The following BTAF1 variants were observed in gnomAD, a reference collection of about 807,000 sequenced individuals.
The protein encoded by BTAF1 is B-TFIID TATA-box binding protein associated factor 1.
A neutral mutation model predicts 227.1 loss-of-function variants in BTAF1; 38 were observed. The observed-to-expected ratio is 0.17, with a 90% CI of 0.13 to 0.22. The LOEUF is 0.22. Ranked by LOEUF, BTAF1 falls within the 10% of genes least tolerant of loss-of-function variation. The pLI, the probability that BTAF1 is intolerant of heterozygous loss-of-function variation, is 1.00. For missense variants in BTAF1, 1,598 were observed against 2,204.0 expected (o/e 0.73, Z 5.51); for synonymous variants, 742 against 751.9 (o/e 0.99, Z 0.21).
At chr10:92,019,060 G>A in intron 34 of BTAF1, 125 bp downstream of exon 34, 1 of 996,650 alleles carries the variant, frequency 1.0e-6, no homozygotes, top group Non-Finnish European at 1.4e-6. Context: ...TTAAATTTTT[G>A]ATACAGCTTT....
At chr10:91,943,089 G>C (rs545191937) in intron 4 of BTAF1, among the ~76,000 whole-genome samples, 3 of 152,176 alleles carry the variant, frequency 2.0e-5, no homozygotes, top group African/African-American at 4.8e-5. Flanking sequence ...CAAGGTGGGT[G>C]GATCACCTGA....
intron 1 of BTAF1, among the ~76,000 whole-genome samples, chr10:91,930,092 A>T (rs1844172057): frequency 6.6e-6 from 1 of 152,192 alleles, no homozygotes; most frequent in African/African-American, 2.4e-5. Context: ...CACACATAAA[A>T]ATAGACTGTT....
intron 4 of BTAF1, among the ~76,000 whole-genome samples, chr10:91,944,864 G>A (rs1845253004): frequency 6.6e-6 from 1 of 152,130 alleles, no homozygotes; most frequent in African/African-American, 2.4e-5. Context: ...TACAGTTGTG[G>A]TCCCATAAAA....
intron 6 of BTAF1, 90 bp from the exon 7 acceptor site, chr10:91,956,437 AT>A: frequency 7.4e-7 from 1 of 1,358,590 alleles, no homozygotes. Context: ...TCTTAAATTC[AT>A]TGTGATTCAC....
At chr10:91,994,792 A>T in intron 23 of BTAF1, 148 bp downstream of exon 23, 1 of 622,102 alleles carries the variant, frequency 1.6e-6, no homozygotes, top group South Asian at 2.1e-5. Flanking sequence ...CTCCTTTACT[A>T]ACAGTGCAAC....
intron 14 of BTAF1, among the ~76,000 whole-genome samples, chr10:91,971,669 G>A (rs903576705): frequency 5.9e-5 from 9 of 151,632 alleles, no homozygotes; most frequent in African/African-American, 1.7e-4. Context: ...ACAGGGTTTC[G>A]CCATGTTGGT....
intron 20 of BTAF1, among the ~76,000 whole-genome samples, chr10:91,989,964 T>A (rs1005119726): frequency 2.0e-5 from 3 of 152,240 alleles, no homozygotes; most frequent in African/African-American, 4.8e-5. Flanking sequence ...AGCAACCCTA[T>A]TGACTGAAAA....
At chr10:91,937,191 C>T (rs568721087) in intron 2 of BTAF1, among the ~76,000 whole-genome samples, 66 of 152,038 alleles carry the variant, frequency 4.3e-4, no homozygotes, top group Non-Finnish European at 7.6e-4. Flanking sequence ...GAGGGGGTTT[C>T]ACCATGTTGG....
chr10:91,965,723 T>C (rs1846860074), intron 13 of BTAF1, among the ~76,000 whole-genome samples: 1 of 152,240 alleles, frequency 6.6e-6, no homozygotes, highest in African/African-American at 2.4e-5. Context: ...TTTGTTATAA[T>C]GCTTTTATGT....
chr10:92,021,786 C>T (rs765413113), intron 34 of BTAF1, among the ~76,000 whole-genome samples: 2 of 151,914 alleles, frequency 1.3e-5, no homozygotes, highest in Admixed American at 6.6e-5. Context: ...CCTCATGATC[C>T]GCCTGCCTGG....
chr10:91,964,443 T>TTAAA (rs961105906), intron 13 of BTAF1, among the ~76,000 whole-genome samples: 1 of 152,182 alleles, frequency 6.6e-6, no homozygotes, highest in Non-Finnish European at 1.5e-5. Context: ...ATCGTCTTGT[T>TTAAA]CGTCTTATAA....
At chr10:91,926,342 C>G (rs1428288805) in intron 1 of BTAF1, among the ~76,000 whole-genome samples, 1 of 152,084 alleles carries the variant, frequency 6.6e-6, no homozygotes, top group African/African-American at 2.4e-5. Flanking sequence ...ACATTTCCAC[C>G]AGAATTTCCA....
intron 5 of BTAF1, 82 bp from the exon 6 acceptor site, chr10:91,953,655 C>T: frequency 6.8e-7 from 1 of 1,461,070 alleles, no homozygotes; most frequent in Non-Finnish European, 9.3e-7. Flanking sequence ...AATTTATAGA[C>T]TTGGTCTTCT....
At chr10:91,958,721 CAAA>C (rs1204405647) in intron 8 of BTAF1, among the ~76,000 whole-genome samples, 2 of 152,140 alleles carry the variant, frequency 1.3e-5, no homozygotes, top group East Asian at 1.9e-4. Flanking sequence ...AACAAACAAA[CAAA>C]AACACTATAC....
intron 24 of BTAF1, among the ~76,000 whole-genome samples, chr10:91,996,896 T>G (rs1213500329): frequency 6.6e-6 from 1 of 152,200 alleles, no homozygotes; most frequent in Non-Finnish European, 1.5e-5. Context: ...TTATAATCAG[T>G]GTCTTATTAA....
chr10:92,018,662 G>A (rs1161448287), intron 33 of BTAF1, 121 bp from the exon 34 acceptor site: 14 of 872,126 alleles, frequency 1.6e-5, no homozygotes, highest in Non-Finnish European at 2.1e-5. Context: ...AGTTTGCCGA[G>A]CAAGAAGAGG....
chr10:91,966,605 T>C (rs534315632), intron 13 of BTAF1, 32 bp from the exon 14 acceptor site: 1 of 1,607,076 alleles, frequency 6.2e-7, no homozygotes, highest in South Asian at 1.1e-5. Flanking sequence ...CAACTTAGAA[T>C]AAGTAAGATT....
At chr10:92,012,770 C>CAAAAA (rs202198347) in intron 30 of BTAF1, among the ~76,000 whole-genome samples, 14 of 92,614 alleles carry the variant, frequency 1.5e-4, no homozygotes, top group South Asian at 3.7e-4. Context: ...GACTCTGTCT[C>CAAAAA]AAAAAAAAAA....
chr10:91,987,399 C>A (rs1213024588), intron 19 of BTAF1, among the ~76,000 whole-genome samples: 2 of 152,156 alleles, frequency 1.3e-5, no homozygotes, highest in East Asian at 3.9e-4. Flanking sequence ...AGGAGAATGG[C>A]GTGAACCCAG....
Sources: allele counts gnomAD v4.1 joint callset (sites outside exome capture counted in the v4.1 genomes callset), GRCh38; gene constraint gnomAD v4.1.1; transcripts MANE v1.5; gene names NCBI Gene and HGNC (gene_info 2026-07-23, HGNC 2026-07-21).